The following GALNTL6 variants were observed in gnomAD, a reference collection of about 807,000 sequenced individuals.
GALNTL6 encodes polypeptide N-acetylgalactosaminyltransferase like 6, also known as polypeptide N-acetylgalactosaminyltransferase-like 6.
In GALNTL6, 46 loss-of-function variants were observed where a neutral mutation model predicts 73.7. The ratio of observed to expected loss-of-function variants is 0.62; its 90% CI spans 0.49 to 0.80. The LOEUF (loss-of-function observed/expected upper bound fraction) is 0.80, where lower values mean the gene tolerates loss of function less well. Ranked by LOEUF, GALNTL6 falls within the 30% of genes least tolerant of loss-of-function variation. The probability of loss-of-function intolerance (pLI) is 0.00; values close to 1 mark genes in which losing one functional copy is unlikely to be tolerated. For missense variants in GALNTL6, 604 were observed against 755.0 expected, an observed-to-expected ratio of 0.80 and a Z score of 2.34; for synonymous variants, 259 against 263.7, an observed-to-expected ratio of 0.98 and a Z score of 0.17.
At chr4:171,837,632 T>C (rs12508684) in intron 2 of GALNTL6, among the ~76,000 whole-genome samples, 62,328 of 146,244 alleles carry the variant, frequency 0.43, 16,129 homozygotes, top group East Asian at 0.63. Flanking sequence ...ATGTATATAT[T>C]TATATAATAT....
At chr4:172,942,817 C>A (rs974558310) in intron 9 of GALNTL6, among the ~76,000 whole-genome samples, 1 of 152,102 alleles carries the variant, frequency 6.6e-6, no homozygotes, top group African/African-American at 2.4e-5. Context: ...CATTAAAGTG[C>A]CAGAACTTCT....
chr4:172,485,948 A>T (rs547780392), intron 5 of GALNTL6, among the ~76,000 whole-genome samples: 156 of 152,280 alleles, frequency 1.0e-3, no homozygotes, highest in Non-Finnish European at 2.0e-3. Context: ...CAGAGCATGT[A>T]AACCATCTAT....
At chr4:172,031,151 T>A (rs1184802364) in intron 2 of GALNTL6, among the ~76,000 whole-genome samples, 1 of 152,152 alleles carries the variant, frequency 6.6e-6, no homozygotes, top group African/African-American at 2.4e-5. Context: ...TTTCTCGGCC[T>A]TATGACTAAG....
At chr4:172,692,023 C>T (rs1733334928) in intron 5 of GALNTL6, among the ~76,000 whole-genome samples, 2 of 122,930 alleles carry the variant, frequency 1.6e-5, no homozygotes, top group Admixed American at 1.6e-4. Flanking sequence ...CTATTTAATG[C>T]AAAAAGCGGG....
chr4:172,435,704 A>G (rs1731610773), intron 5 of GALNTL6, among the ~76,000 whole-genome samples: 1 of 152,178 alleles, frequency 6.6e-6, no homozygotes, highest in Non-Finnish European at 1.5e-5. Flanking sequence ...AATAAATTAT[A>G]TTAGTTATTG....
intron 7 of GALNTL6, among the ~76,000 whole-genome samples, chr4:172,846,249 A>G (rs1261251959): frequency 6.6e-6 from 1 of 152,230 alleles, no homozygotes. Context: ...CCAGAAGCCT[A>G]TTTAACCAAA....
intron 2 of GALNTL6, among the ~76,000 whole-genome samples, chr4:171,943,203 T>C (rs1738601226): frequency 6.6e-6 from 1 of 152,202 alleles, no homozygotes; most frequent in Non-Finnish European, 1.5e-5. Flanking sequence ...TAAGTTCTTA[T>C]GATAGAAAAA....
chr4:171,892,896 A>C (rs1483687176), intron 2 of GALNTL6, among the ~76,000 whole-genome samples: 1 of 152,152 alleles, frequency 6.6e-6, no homozygotes, highest in African/African-American at 2.4e-5. Context: ...TCTATCAAGC[A>C]CTTTTAATTA....
intron 7 of GALNTL6, among the ~76,000 whole-genome samples, chr4:172,875,095 G>A (rs1561007117): frequency 2.6e-5 from 4 of 152,246 alleles, no homozygotes; most frequent in African/African-American, 4.8e-5. Flanking sequence ...CACATCCCTG[G>A]GGACTCTCAG....
chr4:172,446,335 A>G (rs1031692116), intron 5 of GALNTL6, among the ~76,000 whole-genome samples: 2 of 152,138 alleles, frequency 1.3e-5, no homozygotes, highest in Non-Finnish European at 2.9e-5. Context: ...TGTGCTCCTT[A>G]TGAATAATAA....
At chr4:171,978,566 T>C (rs1321844753) in intron 2 of GALNTL6, among the ~76,000 whole-genome samples, 50 of 152,206 alleles carry the variant, frequency 3.3e-4, no homozygotes, top group Non-Finnish European at 4.4e-5. Flanking sequence ...AACAAGTTTC[T>C]TGAGCAGTGA....
intron 5 of GALNTL6, among the ~76,000 whole-genome samples, chr4:172,574,071 A>G (rs1039214703): frequency 1.3e-5 from 2 of 152,176 alleles, no homozygotes; most frequent in African/African-American, 4.8e-5. Context: ...ACAAAAAAAA[A>G]GGAAACTTTC....
intron 5 of GALNTL6, among the ~76,000 whole-genome samples, chr4:172,675,248 A>G (rs1400115063): frequency 3.9e-5 from 6 of 152,246 alleles, no homozygotes; most frequent in African/African-American, 1.4e-4. Context: ...ACCAGTTCTC[A>G]GGTCCCAACT....
At chr4:172,004,540 A>C (rs1454980333) in intron 2 of GALNTL6, among the ~76,000 whole-genome samples, 4 of 152,072 alleles carry the variant, frequency 2.6e-5, no homozygotes, top group Admixed American at 2.6e-4. Context: ...CTAATTATTT[A>C]TATTATTGGA....
intron 2 of GALNTL6, among the ~76,000 whole-genome samples, chr4:172,206,981 C>T (rs1190925633): frequency 6.6e-6 from 1 of 151,364 alleles, no homozygotes; most frequent in Non-Finnish European, 1.5e-5. Context: ...CCACGCCCGG[C>T]TAGTTTTTTG....
chr4:172,492,038 A>G (rs1733914285), intron 5 of GALNTL6, among the ~76,000 whole-genome samples: 1 of 151,938 alleles, frequency 6.6e-6, no homozygotes, highest in Admixed American at 6.6e-5. Flanking sequence ...GTTAGGCTAT[A>G]GGGTCATAAC....
At chr4:172,948,618 A>ATTT (rs369982668) in intron 9 of GALNTL6, among the ~76,000 whole-genome samples, 39,321 of 136,084 alleles carry the variant, frequency 0.29, 6,029 homozygotes, top group East Asian at 0.44. Context: ...AGCCTCGCTA[A>ATTT]TTTTTTTTTT....
chr4:172,041,013 T>G (rs943600307), intron 2 of GALNTL6, among the ~76,000 whole-genome samples: 4 of 152,080 alleles, frequency 2.6e-5, no homozygotes, highest in Non-Finnish European at 5.9e-5. Context: ...ATAAAGAACT[T>G]AACTAAATAG....
chr4:172,287,854 T>G (rs1171335738), intron 3 of GALNTL6, among the ~76,000 whole-genome samples: 1 of 152,162 alleles, frequency 6.6e-6, no homozygotes, highest in Non-Finnish European at 1.5e-5. Flanking sequence ...GCGCTGAGCT[T>G]GAAACATTTC....
Sources: allele counts gnomAD v4.1 joint callset (sites outside exome capture counted in the v4.1 genomes callset), GRCh38; gene constraint gnomAD v4.1.1; transcripts MANE v1.5; gene names NCBI Gene and HGNC (gene_info 2026-07-23, HGNC 2026-07-21).